The following PRR5L variants were observed in gnomAD, a reference collection of about 807,000 sequenced individuals.
PRR5L encodes the protein proline rich 5 like.
A neutral mutation model predicts 36.4 loss-of-function variants in PRR5L; 21 were observed. The observed-to-expected ratio is 0.58, with a 90% CI of 0.41 to 0.83. The LOEUF is 0.83. PRR5L is among the 40% of genes least tolerant of loss of function. PRR5L has a pLI of 0.00. For synonymous variants in PRR5L, 188 were observed against 197.0 expected (o/e 0.95, Z 0.38); for missense variants, 381 against 473.3 (o/e 0.80, Z 1.81).
chr11:36,442,179 C>T (rs899367855), intron 6 of PRR5L, among the ~76,000 whole-genome samples: 1 of 152,162 alleles, frequency 6.6e-6, no homozygotes, highest in African/African-American at 2.4e-5. Context: ...CCTGCAAATG[C>T]CTTTTCCTTC....
intron 1 of PRR5L, among the ~76,000 whole-genome samples, chr11:36,314,870 C>T (rs1856539575): frequency 6.6e-6 from 1 of 152,154 alleles, no homozygotes; most frequent in Non-Finnish European, 1.5e-5. Context: ...CTCTCTGAGT[C>T]TCAGGTCACT....
intron 1 of PRR5L, among the ~76,000 whole-genome samples, chr11:36,351,348 TAATA>T (rs1326450090): frequency 3.4e-5 from 3 of 87,232 alleles, no homozygotes; most frequent in South Asian, 7.4e-4. Flanking sequence ...TTATAATATA[TAATA>T]AATATATATA....
At chr11:36,416,935 A>G (rs1355535061) in intron 3 of PRR5L, among the ~76,000 whole-genome samples, 1 of 152,166 alleles carries the variant, frequency 6.6e-6, no homozygotes, top group Non-Finnish European at 1.5e-5. Context: ...TATCTAGCCC[A>G]AACTCACAAT....
chr11:36,327,161 G>A (rs1335447912), intron 1 of PRR5L, among the ~76,000 whole-genome samples: 1 of 152,200 alleles, frequency 6.6e-6, no homozygotes, highest in East Asian at 1.9e-4. Flanking sequence ...CAGTAATTGA[G>A]GAACTGCAAA....
At chr11:36,399,751 C>T (rs921589129) in intron 1 of PRR5L, among the ~76,000 whole-genome samples, 12 of 152,210 alleles carry the variant, frequency 7.9e-5, no homozygotes, top group East Asian at 1.9e-4. Context: ...CTCTAATTCT[C>T]GCCTTTTAAG....
intron 1 of PRR5L, among the ~76,000 whole-genome samples, chr11:36,309,112 C>G (rs1325138617): frequency 6.6e-6 from 1 of 152,156 alleles, no homozygotes; most frequent in Non-Finnish European, 1.5e-5. Context: ...GAGAATATGT[C>G]TCATCGAAGC....
Position 36,463,743 on chromosome 11 carries a change from G to A in PRR5L, c.*1007G>A, listed in dbSNP as rs1379115407. 6.6e-6 allele frequency: 1 copy of A among 152,484 alleles called. No individual in the cohort carries two copies. The highest frequency in any genetic ancestry group is 2.4e-5 in the African/African-American group (1 of 41,422). 9.4% of individuals were successfully genotyped at this position (152,484 alleles called of 1,614,324 possible). Reference sequence around the variant, plus strand: ...CTAAAAACACAAGCAGAGCTCCTGGGAAAAGAGACTGGAAGTGGTTCAGGA... The same window carrying A: ...CTAAAAACACAAGCAGAGCTCCTGGAAAAAGAGACTGGAAGTGGTTCAGGA... On this transcript the variant is annotated 3_prime_UTR_variant, in exon 9 of 9. Transcript: ENST00000530639.
intron 4 of PRR5L, 124 bp from the exon 5 acceptor site, chr11:36,431,729 C>G: frequency 1.2e-6 from 1 of 818,546 alleles, no homozygotes; most frequent in Middle Eastern, 2.4e-4. Flanking sequence ...TCTTAAACTC[C>G]GAGGCACGGC....
intron 1 of PRR5L, among the ~76,000 whole-genome samples, chr11:36,389,265 C>G (rs1857517883): frequency 6.6e-6 from 1 of 152,220 alleles, no homozygotes; most frequent in Non-Finnish European, 1.5e-5. Context: ...TCAGACTGCT[C>G]TCCCTCCAGC....
At chr11:36,327,952 A>T (rs908105852) in intron 1 of PRR5L, among the ~76,000 whole-genome samples, 1 of 152,148 alleles carries the variant, frequency 6.6e-6, no homozygotes, top group Non-Finnish European at 1.5e-5. Flanking sequence ...ATCGAGCTGT[A>T]ACCCAATCTC....
intron 1 of PRR5L, among the ~76,000 whole-genome samples, chr11:36,365,345 A>AT (rs1857133577): frequency 6.6e-6 from 1 of 152,162 alleles, no homozygotes; most frequent in South Asian, 2.1e-4. Context: ...AGTAGACTCA[A>AT]TTAAGATCTC....
At position 36,377,054 on chromosome 11, in the gene PRR5L, T is replaced by C. The variant is rs1047431232; in HGVS notation, c.-125-23943T>C. ...ATGGGACCTAGGCTGAGCCGGGAGG[T>C]CGAAAAAGAAAGTCGGCTTGTTTGA... On this transcript the variant is annotated intron_variant, in intron 1 of 8. Coordinates refer to ENST00000530639, the MANE Select transcript of PRR5L (RefSeq NM_001160167.2). The surrounding 1 kb of genome is among the most constrained non-coding windows in gnomAD (Gnocchi z 5.1). Among the ~76,000 whole-genome samples, 3 of 151,638 alleles carry C rather than the reference T, an allele frequency of 2.0e-5. No homozygotes were observed. Among genetic ancestry groups the C allele is most frequent in the Non-Finnish European group, 4.4e-5 (3 of 67,856 alleles).
intron 1 of PRR5L, among the ~76,000 whole-genome samples, chr11:36,313,744 T>G: frequency 6.6e-6 from 1 of 152,184 alleles, no homozygotes; most frequent in Non-Finnish European, 1.5e-5. Flanking sequence ...GCATTGCCAG[T>G]TCAATCTACC....
intron 5 of PRR5L, among the ~76,000 whole-genome samples, chr11:36,433,327 C>T (rs1047998575): frequency 1.2e-4 from 19 of 152,172 alleles, no homozygotes; most frequent in African/African-American, 3.9e-4. Context: ...CTAATCTAGG[C>T]GTCTTATAAG....
chr11:36,400,594 G>C (rs1857770210), intron 1 of PRR5L, among the ~76,000 whole-genome samples: 1 of 152,184 alleles, frequency 6.6e-6, no homozygotes. Flanking sequence ...ATCATGGATG[G>C]TCATCAATGC....
intron 1 of PRR5L, among the ~76,000 whole-genome samples, chr11:36,306,513 T>C (rs992842390): frequency 3.3e-5 from 5 of 151,948 alleles, no homozygotes; most frequent in Admixed American, 3.3e-4. Flanking sequence ...GTCCCAAGTC[T>C]TTGCTTTGTG....
At chr11:36,326,573 A>G (rs1856665103) in intron 1 of PRR5L, among the ~76,000 whole-genome samples, 1 of 151,958 alleles carries the variant, frequency 6.6e-6, no homozygotes, top group Non-Finnish European at 1.5e-5. Flanking sequence ...TTTTTACCCA[A>G]TTCCATTGAT....
intron 1 of PRR5L, chr11:36,394,411 C>T (rs1225568081): frequency 1.3e-5 from 2 of 152,252 alleles, no homozygotes; most frequent in Admixed American, 6.5e-5. Context: ...GAAACTGCAG[C>T]TCAGAGATGT....
At chr11:36,359,256 G>T (rs1857060080) in intron 1 of PRR5L, among the ~76,000 whole-genome samples, 1 of 152,194 alleles carries the variant, frequency 6.6e-6, no homozygotes, top group Non-Finnish European at 1.5e-5. Flanking sequence ...AGGATGTTCT[G>T]CCATTTTAGG....
Sources: gnomAD v4.1 joint callset for allele counts (sites outside exome capture counted in the v4.1 genomes callset) on GRCh38, gnomAD v4.1.1 for gene constraint, Gnocchi (gnomAD v3.1) non-coding constraint, MANE v1.5 for transcripts, NCBI Gene and HGNC (gene_info 2026-07-23, HGNC 2026-07-21) for gene names.